JAK1: variants seen among roughly 807,000 people sequenced by gnomAD.
JAK1 encodes the protein Janus kinase 1.
A neutral mutation model predicts 136.6 loss-of-function variants in JAK1; 16 were observed. The observed-to-expected ratio is 0.12, with a 90% CI of 0.08 to 0.18. The LOEUF (loss-of-function observed/expected upper bound fraction) is 0.18, where lower values mean the gene tolerates loss of function less well. Ranked by LOEUF, JAK1 falls within the 10% of genes least tolerant of loss-of-function variation. The pLI, the probability that JAK1 is intolerant of heterozygous loss-of-function variation, is 1.00. For synonymous variants in JAK1, 492 were observed against 519.5 expected, an observed-to-expected ratio of 0.95 and a Z score of 0.72; for missense variants, 859 against 1,450.1, an observed-to-expected ratio of 0.59 and a Z score of 6.62.
At chr1:64,886,467 G>T (rs778419686) in intron 1 of JAK1, 126 bp from the exon 2 acceptor site, 2 of 506,608 alleles carry the variant, frequency 3.9e-6, no homozygotes, top group Non-Finnish European at 3.3e-6. Context: ...AGAGGAAGAA[G>T]GAAAAAAACA....
intron 2 of JAK1, among the ~76,000 whole-genome samples, chr1:64,978,181 G>A (rs1038648572): frequency 7.9e-5 from 12 of 152,078 alleles, no homozygotes; most frequent in African/African-American, 1.9e-4. Context: ...AAGAGGCTGA[G>A]GCAGGAGAAT....
intron 11 of JAK1, among the ~76,000 whole-genome samples, chr1:64,852,577 G>T (rs985073652): frequency 6.6e-6 from 1 of 152,242 alleles, no homozygotes; most frequent in Non-Finnish European, 1.5e-5. Context: ...GTGTCCACAG[G>T]CAAGAGGCCA....
intron 2 of JAK1, among the ~76,000 whole-genome samples, chr1:65,011,791 T>C (rs1646851572): frequency 6.6e-6 from 1 of 151,928 alleles, no homozygotes; most frequent in South Asian, 2.1e-4. Context: ...GGGAGTGGAG[T>C]TAGGAAAACT....
intron 7 of JAK1, among the ~76,000 whole-genome samples, chr1:64,865,700 T>A (rs530166851): frequency 6.6e-6 from 1 of 152,314 alleles, no homozygotes; most frequent in Admixed American, 6.5e-5. Context: ...TCAGTAAGTA[T>A]CAAGCATTAT....
intron 2 of JAK1, among the ~76,000 whole-genome samples, chr1:65,005,210 G>A (rs1223726032): frequency 1.3e-5 from 2 of 152,174 alleles, no homozygotes; most frequent in African/African-American, 4.8e-5. Flanking sequence ...AGGGCATGGT[G>A]GCACGCACCT....
chr1:64,988,650 A>G (rs1203983022), intron 2 of JAK1, among the ~76,000 whole-genome samples: 2 of 152,208 alleles, frequency 1.3e-5, no homozygotes, highest in African/African-American at 4.8e-5. Flanking sequence ...TGGGAGGTCA[A>G]GACAAGAGGA....
At chr1:64,867,515 C>T (rs944335957) in intron 6 of JAK1, among the ~76,000 whole-genome samples, 4 of 151,712 alleles carry the variant, frequency 2.6e-5, no homozygotes, top group Non-Finnish European at 5.9e-5. Context: ...CTAGCTTCAC[C>T]ATTCTTGTGC....
At chr1:64,860,981 TTGGGG>T (rs1656295475) in intron 8 of JAK1, among the ~76,000 whole-genome samples, 6 of 130,900 alleles carry the variant, frequency 4.6e-5, no homozygotes, top group African/African-American at 1.2e-4. Context: ...TGTGTGTGTG[TTGGGG>T]GTGACGCGGT....
chr1:64,943,381 A>C (rs1215857603), intron 1 of JAK1, among the ~76,000 whole-genome samples: 2 of 152,156 alleles, frequency 1.3e-5, no homozygotes, highest in African/African-American at 4.8e-5. Flanking sequence ...CAGGGATAGG[A>C]CCTTGTGACT....
intron 1 of JAK1, among the ~76,000 whole-genome samples, chr1:64,954,340 C>T (rs1399135320): frequency 1.3e-5 from 2 of 152,134 alleles, no homozygotes; most frequent in Non-Finnish European, 2.9e-5. Flanking sequence ...AAATACATAA[C>T]CCAACAACTG....
chr1:64,962,812 A>T (rs1646306477), intron 1 of JAK1, among the ~76,000 whole-genome samples: 2 of 152,206 alleles, frequency 1.3e-5, no homozygotes, highest in Non-Finnish European at 2.9e-5. Flanking sequence ...TCACGCCTGT[A>T]ATCCCAGCAC....
chr1:64,841,206 G>C (rs1490149040), intron 19 of JAK1, 39 bp downstream of exon 19: 2 of 1,389,808 alleles, frequency 1.4e-6, no homozygotes, highest in Non-Finnish European at 2.0e-6. Flanking sequence ...ATGGCGGAGG[G>C]CTCTGCCATC....
chr1:64,930,020 C>T (rs1363470852), intron 1 of JAK1, among the ~76,000 whole-genome samples: 3 of 152,152 alleles, frequency 2.0e-5, no homozygotes, highest in Non-Finnish European at 2.9e-5. Context: ...ACACCTTATA[C>T]AAAAATTAAC....
chr1:65,011,242 G>A (rs760423689), intron 2 of JAK1, among the ~76,000 whole-genome samples: 23 of 152,194 alleles, frequency 1.5e-4, no homozygotes, highest in South Asian at 2.1e-4. Context: ...TTAGCAGGCC[G>A]AGGCGGGAGG....
At chr1:64,969,109 CT>C (rs1314865168), upstream of JAK1, among the ~76,000 whole-genome samples, 6 of 149,646 alleles carry the variant, frequency 4.0e-5, no homozygotes, top group South Asian at 1.3e-3. Flanking sequence ...GACCCCTTCT[CT>C]TAAAAAAAAA....
At chr1:65,057,230 C>T (rs1444230925) in intron 1 of JAK1, among the ~76,000 whole-genome samples, 3 of 152,164 alleles carry the variant, frequency 2.0e-5, no homozygotes, top group African/African-American at 7.2e-5. Context: ...TCAAGTCATG[C>T]ACTTTGTTTC....
chr1:65,022,884 T>C (rs1237531955), intron 2 of JAK1: 1 of 152,120 alleles, frequency 6.6e-6, no homozygotes, highest in African/African-American at 2.4e-5. Flanking sequence ...GGGAATGATA[T>C]TTTTTGATAG....
At chr1:64,860,828 G>C (rs1048533866) in intron 8 of JAK1, among the ~76,000 whole-genome samples, 17 of 108,924 alleles carry the variant, frequency 1.6e-4, no homozygotes, top group Non-Finnish European at 2.5e-4. Context: ...AGATGACTCT[G>C]TGTGTGTGTG....
At chr1:64,902,583 A>AGAGAGAGAGTGTGTGTGT in intron 1 of JAK1, among the ~76,000 whole-genome samples, 1,066 of 73,840 alleles carry the variant, frequency 0.014, 12 homozygotes, top group Middle Eastern at 0.031. Context: ...AGAGAGAGAG[A>AGAGAGAGAGTGTGTGTGT]GTGTGTGTGT....
Sources: allele counts gnomAD v4.1 joint callset (sites outside exome capture counted in the v4.1 genomes callset), GRCh38; gene constraint gnomAD v4.1.1; transcripts MANE v1.5; gene names NCBI Gene and HGNC (gene_info 2026-07-23, HGNC 2026-07-21).